Variants in KIAA1958 observed in about 807,000 individuals in gnomAD.
KIAA1958 encodes KIAA1958, also known as uncharacterized protein KIAA1958.
KIAA1958 carries 14 observed loss-of-function variants against 47.2 expected under a neutral mutation model. That is an observed-to-expected ratio of 0.30 (90% CI 0.20 to 0.46). The LOEUF (loss-of-function observed/expected upper bound fraction) is 0.46, where lower values mean the gene tolerates loss of function less well. Among genes scored for constraint, KIAA1958 ranks in the 20% least tolerant of loss-of-function variants. KIAA1958 has a pLI of 1.00. For synonymous variants in KIAA1958, 354 were observed against 353.3 expected, an observed-to-expected ratio of 1.00 and a Z score of -0.02; for missense variants, 803 against 909.2, an observed-to-expected ratio of 0.88 and a Z score of 1.50.
intron 2 of KIAA1958, among the ~76,000 whole-genome samples, chr9:112,598,727 C>G (rs1175648760): frequency 1.3e-5 from 2 of 152,202 alleles, no homozygotes; most frequent in East Asian, 3.9e-4. Flanking sequence ...CACAAGAAAA[C>G]TGAAGTGTAT....
intron 2 of KIAA1958, among the ~76,000 whole-genome samples, chr9:112,644,286 C>T (rs190070378): frequency 2.0e-5 from 3 of 152,014 alleles, no homozygotes; most frequent in East Asian, 1.9e-4. Context: ...ATCCTGGGGA[C>T]GGTAAGAGAC....
intron 1 of KIAA1958, among the ~76,000 whole-genome samples, chr9:112,511,292 G>T (rs1265577343): frequency 6.6e-6 from 1 of 152,162 alleles, no homozygotes; most frequent in Non-Finnish European, 1.5e-5. Flanking sequence ...AACTCTGGGG[G>T]TGAGGGCGGA....
chr9:112,513,027 T>G, intron 1 of KIAA1958, among the ~76,000 whole-genome samples: 1 of 104,828 alleles, frequency 9.5e-6, no homozygotes, highest in South Asian at 3.4e-4. Flanking sequence ...TTTTTTGAGA[T>G]GGAGTCTTGC....
chr9:112,492,311 G>T (rs988700175), intron 1 of KIAA1958, among the ~76,000 whole-genome samples: 1 of 152,190 alleles, frequency 6.6e-6, no homozygotes, highest in African/African-American at 2.4e-5. Context: ...TCTTCCCTCT[G>T]TGTATGTGTG....
intron 2 of KIAA1958, among the ~76,000 whole-genome samples, chr9:112,604,376 C>T (rs896827260): frequency 1.3e-5 from 2 of 152,326 alleles, no homozygotes; most frequent in Non-Finnish European, 2.9e-5. Context: ...ACTTTTCGAT[C>T]TGTCGGCTAC....
chr9:112,641,912 A>G (rs1433770844), intron 2 of KIAA1958, among the ~76,000 whole-genome samples: 2 of 152,168 alleles, frequency 1.3e-5, no homozygotes, highest in Admixed American at 1.3e-4. Flanking sequence ...TCAAATCTCT[A>G]ATGATATATT....
At chr9:112,539,494 A>G (rs2132821139) in intron 1 of KIAA1958, among the ~76,000 whole-genome samples, 1 of 152,268 alleles carries the variant, frequency 6.6e-6, no homozygotes, top group Admixed American at 6.5e-5. Context: ...GACTCAGTGT[A>G]GATGAGTGGT....
chr9:112,659,019 CAA>C (rs560013892), intron 3 of KIAA1958, among the ~76,000 whole-genome samples: 15,047 of 55,888 alleles, frequency 0.27, 642 homozygotes, highest in East Asian at 0.4. Context: ...GACTCTGACT[CAA>C]AAAAAAAAAA....
Position 112,660,038 on chromosome 9 carries a change from G to A in KIAA1958, c.2120G>A (p.Arg707Gln), listed in dbSNP as rs755278819. 45 of 1,613,520 alleles carry A rather than the reference G, an allele frequency of 2.8e-5. No homozygotes were observed. The highest frequency in any genetic ancestry group is 1.3e-4 in the East Asian group (6 of 44,894). Residue 707 changes from arginine (R) to glutamine (Q), a missense_variant, in exon 4 of 4, where the codon CGG becomes CAG. By Grantham distance (43) the Arg-to-Gln change is conservative. This residue lies in a region of KIAA1958 where 761 missense variants were observed against 829.3 expected (regional missense o/e 0.92). Transcript: ENST00000337530. ...TTTGTCTCGTTCACTCAGGTCTCCC[G>A]GAGGCTTGGCTCCCACAGCTGCTGC... The part of the protein sequence containing the change: ...FTFVSFTQVS[R>Q]RLGSHSCCQ
chr9:112,491,166 G>T (rs1459982470), intron 1 of KIAA1958, among the ~76,000 whole-genome samples: 3 of 152,088 alleles, frequency 2.0e-5, no homozygotes, highest in African/African-American at 7.2e-5. Flanking sequence ...GGGTCTTGCG[G>T]TGTTGCCCAG....
At chr9:112,502,986 A>T (rs1425507804) in intron 1 of KIAA1958, among the ~76,000 whole-genome samples, 1 of 152,214 alleles carries the variant, frequency 6.6e-6, no homozygotes, top group African/African-American at 2.4e-5. Flanking sequence ...GGTATTCACC[A>T]TGTGTTAGGT....
chr9:112,545,825 G>GTGTTT (rs60211721), intron 1 of KIAA1958, among the ~76,000 whole-genome samples: 15,692 of 93,096 alleles, frequency 0.17, 2,567 homozygotes, highest in Non-Finnish European at 0.19. Context: ...AGGTTTCTTT[G>GTGTTT]TTTTTTTTTT....
chr9:112,653,928 C>G (rs1478275812), intron 3 of KIAA1958, among the ~76,000 whole-genome samples: 3 of 152,036 alleles, frequency 2.0e-5, no homozygotes, highest in Admixed American at 6.6e-5. Context: ...AAAAGCAGAA[C>G]CCCTTGAAGC....
intron 2 of KIAA1958, among the ~76,000 whole-genome samples, chr9:112,600,854 T>C (rs1836119727): frequency 6.6e-6 from 1 of 152,244 alleles, no homozygotes; most frequent in Admixed American, 6.5e-5. Flanking sequence ...AGATGACTTA[T>C]ATGTCCAACA....
chr9:112,571,080 C>T (rs763128636), intron 1 of KIAA1958, among the ~76,000 whole-genome samples: 2 of 141,120 alleles, frequency 1.4e-5, no homozygotes, highest in Non-Finnish European at 3.1e-5. Context: ...TTAGATGGTG[C>T]CCGCCAATAT....
At chr9:112,598,677 A>G (rs1387000950) in intron 2 of KIAA1958, among the ~76,000 whole-genome samples, 1 of 152,202 alleles carries the variant, frequency 6.6e-6, no homozygotes, top group Non-Finnish European at 1.5e-5. Flanking sequence ...TTCTCTTGGA[A>G]CATGTCACAA....
chr9:112,521,961 C>CTTTA (rs146357893), intron 1 of KIAA1958, among the ~76,000 whole-genome samples: 16,624 of 146,514 alleles, frequency 0.11, 1,272 homozygotes, highest in East Asian at 0.19. Context: ...TTTTAAATAA[C>CTTTA]TTTATTTATT....
At chr9:112,634,727 C>T (rs1168435655) in intron 2 of KIAA1958, among the ~76,000 whole-genome samples, 43 of 152,230 alleles carry the variant, frequency 2.8e-4, no homozygotes, top group Admixed American at 2.8e-3. Context: ...CTTTTCACCT[C>T]TTAATGCTGC....
Position 112,659,459 on chromosome 9 carries a change from TG to T in KIAA1958, c.1542del (p.Trp515GlyfsTer3). 1.9e-6 allele frequency: 3 copies of T among 1,613,884 alleles called. No homozygotes were observed. Among genetic ancestry groups the T allele is most frequent in the Non-Finnish European group, 2.5e-6 (3 of 1,179,962 alleles). On this transcript the variant is annotated frameshift_variant, in exon 4 of 4. Coordinates refer to ENST00000337530, the MANE Select transcript of KIAA1958 (RefSeq NM_133465.4). LOFTEE classifies it high-confidence loss of function. ...SSSTKKLKEK[L>X]WVLSKAGMSG... ...TCCACCAAGAAACTCAAGGAGAAGC[TG>T]TGGGTGCTGAGTAAGGCAGGCATGT...
Sources: gnomAD v4.1 joint callset for allele counts (sites outside exome capture counted in the v4.1 genomes callset) on GRCh38, gnomAD v4.1.1 for gene constraint, gnomAD v4.1.1 regional missense constraint, MANE v1.5 for transcripts, NCBI Gene and HGNC (gene_info 2026-07-23, HGNC 2026-07-21) for gene names.